Variants in TMEM165 observed in about 807,000 individuals in gnomAD.
TMEM165 encodes the protein putative divalent cation/proton antiporter TMEM165.
In TMEM165, 19 loss-of-function variants were observed where a neutral mutation model predicts 30.0. That is an observed-to-expected ratio of 0.63 (90% CI 0.44 to 0.93). The LOEUF (loss-of-function observed/expected upper bound fraction) is 0.93. Among genes scored for constraint, TMEM165 ranks in the 40% least tolerant of loss-of-function variants. The pLI is 0.00. For missense variants in TMEM165, 340 were observed against 417.0 expected (o/e 0.82, Z 1.61); for synonymous variants, 168 against 162.9 (o/e 1.03, Z -0.24).
At chr4:55,412,850 T>G (rs1476172038) in intron 2 of TMEM165, 1 of 152,172 alleles carries the variant, frequency 6.6e-6, no homozygotes, top group East Asian at 1.9e-4. Flanking sequence ...CTCTTAAGTG[T>G]TAACTCTATG....
chr4:55,450,787 A>C (rs1353861052), intron 3 of TMEM165, among the ~76,000 whole-genome samples: 1 of 151,704 alleles, frequency 6.6e-6, no homozygotes, highest in African/African-American at 2.4e-5. Flanking sequence ...AAAAACATTA[A>C]CTCAAAATGA....
chr4:55,418,176 G>A, intron 4 of TMEM165, 191 bp downstream of exon 4: 1 of 494,296 alleles, frequency 2.0e-6, no homozygotes, highest in Non-Finnish European at 3.4e-6. Context: ...TGAAATTCTT[G>A]TAACCAAGCT....
intron 1 of TMEM165, among the ~76,000 whole-genome samples, chr4:55,404,096 G>T (rs1303963173): frequency 4.2e-5 from 6 of 143,084 alleles, no homozygotes; most frequent in Non-Finnish European, 7.5e-5. Context: ...AGCCTGGAGT[G>T]CAGTGGGCAC....
chr4:55,427,271 T>G (rs921931439), downstream of TMEM165, among the ~76,000 whole-genome samples: 8 of 151,480 alleles, frequency 5.3e-5, no homozygotes, highest in African/African-American at 1.9e-4. Context: ...CTCCTGACCT[T>G]ATGATCCGCC....
chr4:55,425,528 A>C lies in TMEM165; in HGVS notation c.*76A>C, dbSNP rs970442861. 8.7e-6 allele frequency: 10 copies of C among 1,147,008 alleles called. No homozygotes were observed. The highest frequency in any genetic ancestry group is 1.2e-5 in the Non-Finnish European group (9 of 778,072). The allele number at this position is 1,147,008 out of a possible 1,614,324, so 71.1% of individuals were successfully genotyped here. A position where few individuals can be genotyped will look rare whatever the true frequency, so the allele number is the denominator to read the frequency against. ...CTGTACATAGTGTACATTACAACTA[A>C]AAGTGATGGAAAAATACTGTATTTT... On this transcript the variant is annotated 3_prime_UTR_variant, in exon 6 of 6. Transcript: ENST00000381334.
chr4:55,449,557 A>T, intron 3 of TMEM165: 1 of 1,365,092 alleles, frequency 7.3e-7, no homozygotes, highest in East Asian at 2.3e-5. Flanking sequence ...TTAAAGATTA[A>T]TCTCAAAATG....
At chr4:55,411,968 C>T in intron 2 of TMEM165, 129 bp downstream of exon 2, 1 of 827,192 alleles carries the variant, frequency 1.2e-6, no homozygotes, top group South Asian at 1.5e-5. Context: ...GGTCTTCCAA[C>T]CTTTTCCTTG....
At chr4:55,433,946 A>C (rs1722687743) in intron 3 of TMEM165, 1 of 152,296 alleles carries the variant, frequency 6.6e-6, no homozygotes, top group African/African-American at 2.4e-5. Context: ...TTCTTAAATG[A>C]CTAAAGAAAA....
chr4:55,402,795 C>CTT (rs71194554), intron 1 of TMEM165, among the ~76,000 whole-genome samples: 9 of 71,394 alleles, frequency 1.3e-4, no homozygotes, highest in Admixed American at 3.9e-4. Context: ...TTAAAAAAAG[C>CTT]TTTTTTTTTT....
chr4:55,440,143 C>G (rs1305777541), intron 3 of TMEM165, among the ~76,000 whole-genome samples: 2 of 152,038 alleles, frequency 1.3e-5, no homozygotes. Flanking sequence ...ATAAACAAAG[C>G]TATTATAATG....
rs764931979 is a variant in TMEM165, at chr4:55,411,850, T to G, written c.433+11T>G. On this transcript the variant is annotated intron_variant, in intron 2 of 5. Transcript: ENST00000381334. ...TGACATGCTTGTCAGGTGAGTGTGC[T>G]TTTCCCTCTCATGAGTTCGCTGAAT... 1 of 1,613,220 alleles carries G rather than the reference T, an allele frequency of 6.2e-7. No homozygotes were observed. The highest frequency in any genetic ancestry group is 1.7e-5 in the Admixed American group (1 of 60,008).
chr4:55,437,118 TA>T (rs1376273761), intron 3 of TMEM165, among the ~76,000 whole-genome samples: 3 of 152,204 alleles, frequency 2.0e-5, no homozygotes, highest in African/African-American at 7.2e-5. Context: ...AGCATAGGCT[TA>T]AGGTCTAAAA....
intron 1 of TMEM165, among the ~76,000 whole-genome samples, chr4:55,405,417 C>A (rs1297533286): frequency 6.6e-6 from 1 of 151,980 alleles, no homozygotes; most frequent in Non-Finnish European, 1.5e-5. Context: ...TTGAGGCTGT[C>A]CTAGGCTAAA....
At chr4:55,404,352 C>T (rs1186931345) in intron 1 of TMEM165, among the ~76,000 whole-genome samples, 2 of 151,742 alleles carry the variant, frequency 1.3e-5, no homozygotes, top group Admixed American at 1.3e-4. Context: ...AAACTTCTAA[C>T]TAGGGGATTT....
intron 1 of TMEM165, among the ~76,000 whole-genome samples, chr4:55,398,121 A>G (rs1254780459): frequency 3.3e-5 from 5 of 152,234 alleles, no homozygotes. Context: ...CGTAGGATAG[A>G]ACTTTCTGAG....
chr4:55,442,287 T>C (rs944711992), intron 3 of TMEM165: 20 of 743,904 alleles, frequency 2.7e-5, no homozygotes, highest in African/African-American at 8.8e-5. Context: ...ATACATTCAG[T>C]GTTTTTATTT....
At chr4:55,398,422 T>A (rs1263745289) in intron 1 of TMEM165, among the ~76,000 whole-genome samples, 1 of 152,260 alleles carries the variant, frequency 6.6e-6, no homozygotes, top group African/African-American at 2.4e-5. Flanking sequence ...GAAGCTAGTT[T>A]CAGCAGAACC....
chr4:55,403,597 A>G (rs1273668935), intron 1 of TMEM165, among the ~76,000 whole-genome samples: 1 of 150,304 alleles, frequency 6.7e-6, no homozygotes, highest in Admixed American at 6.7e-5. Context: ...TAAGTTGTTA[A>G]TCCTGCTCTC....
downstream of TMEM165, chr4:55,430,908 C>T (rs897758506): frequency 5.9e-5 from 9 of 152,190 alleles, no homozygotes; most frequent in Non-Finnish European, 1.2e-4. Context: ...GACTCCACCA[C>T]ATTCAAAACA....
Sources: gnomAD v4.1 joint callset for allele counts (sites outside exome capture counted in the v4.1 genomes callset) on GRCh38, gnomAD v4.1.1 for gene constraint, MANE v1.5 for transcripts, NCBI Gene and HGNC (gene_info 2026-07-23, HGNC 2026-07-21) for gene names.